Variants in ANKS1B observed in about 807,000 individuals in gnomAD.
The protein encoded by ANKS1B is ankyrin repeat and sterile alpha motif domain-containing protein 1B.
A neutral mutation model predicts 148.3 loss-of-function variants in ANKS1B; 36 were observed. The observed-to-expected ratio is 0.24, with a 90% CI of 0.19 to 0.32. The LOEUF (loss-of-function observed/expected upper bound fraction) is 0.32. Among genes scored for constraint, ANKS1B ranks in the 10% least tolerant of loss-of-function variants. The probability of loss-of-function intolerance (pLI) is 1.00; values close to 1 mark genes in which losing one functional copy is unlikely to be tolerated. For missense variants in ANKS1B, 1,157 were observed against 1,542.6 expected, an observed-to-expected ratio of 0.75 and a Z score of 4.19; for synonymous variants, 542 against 560.8, an observed-to-expected ratio of 0.97 and a Z score of 0.47.
chr12:99,050,131 T>G (rs187893107), intron 17 of ANKS1B, among the ~76,000 whole-genome samples: 1 of 152,352 alleles, frequency 6.6e-6, no homozygotes, highest in African/African-American at 2.4e-5. Context: ...ATAGGATTAT[T>G]CAGCCCATAT....
chr12:99,008,639 T>A (rs2099937550), intron 17 of ANKS1B, among the ~76,000 whole-genome samples: 1 of 152,214 alleles, frequency 6.6e-6, no homozygotes, highest in South Asian at 2.1e-4. Context: ...AAGGCTTGAT[T>A]ACTGGTCCAA....
At chr12:99,068,890 G>A (rs2045403032) in intron 16 of ANKS1B, among the ~76,000 whole-genome samples, 1 of 152,172 alleles carries the variant, frequency 6.6e-6, no homozygotes, top group African/African-American at 2.4e-5. Context: ...TTCAGTTCAA[G>A]CACCATCCAC....
intron 10 of ANKS1B, among the ~76,000 whole-genome samples, chr12:99,444,710 C>CA (rs920053254): frequency 9.2e-5 from 14 of 151,372 alleles, no homozygotes; most frequent in Middle Eastern, 3.4e-3. Flanking sequence ...TCAAATCTGC[C>CA]AAAAAAATAA....
chr12:99,905,959 A>C (rs1234021744), intron 1 of ANKS1B, among the ~76,000 whole-genome samples: 1 of 152,234 alleles, frequency 6.6e-6, no homozygotes, highest in Middle Eastern at 3.2e-3. Context: ...CCACTCTAAC[A>C]GAGGTTAGAT....
chr12:99,557,136 A>G (rs560951931), intron 9 of ANKS1B, among the ~76,000 whole-genome samples: 4 of 152,090 alleles, frequency 2.6e-5, no homozygotes, highest in Non-Finnish European at 4.4e-5. Flanking sequence ...GAATCTGATC[A>G]ATGTGTGTCT....
At chr12:99,656,275 C>T (rs1446410292) in intron 8 of ANKS1B, among the ~76,000 whole-genome samples, 1 of 152,034 alleles carries the variant, frequency 6.6e-6, no homozygotes. Context: ...AACTAGAATA[C>T]TCCTCCCTGT....
At chr12:99,582,823 G>A (rs547959799) in intron 9 of ANKS1B, among the ~76,000 whole-genome samples, 1 of 152,152 alleles carries the variant, frequency 6.6e-6, no homozygotes, top group Non-Finnish European at 1.5e-5. Flanking sequence ...TTCATTGTAT[G>A]TAAATGACAT....
chr12:99,134,604 T>C (rs1234044403), intron 15 of ANKS1B, among the ~76,000 whole-genome samples: 2 of 136,950 alleles, frequency 1.5e-5, no homozygotes, highest in African/African-American at 2.7e-5. Context: ...CTCTCTCTGT[T>C]TCTCTCTGTC....
intron 9 of ANKS1B, among the ~76,000 whole-genome samples, chr12:99,547,883 G>A (rs2153153407): frequency 1.3e-5 from 2 of 152,208 alleles, no homozygotes; most frequent in South Asian, 4.1e-4. Context: ...ATGTCTTCAT[G>A]CAAAATTAAG....
intron 15 of ANKS1B, among the ~76,000 whole-genome samples, chr12:99,124,275 G>A (rs2063690145): frequency 6.6e-6 from 1 of 152,102 alleles, no homozygotes; most frequent in Non-Finnish European, 1.5e-5. Flanking sequence ...ATCAGACTCT[G>A]GATGTTTTTA....
intron 12 of ANKS1B, among the ~76,000 whole-genome samples, chr12:99,347,770 T>C (rs2090914184): frequency 6.6e-6 from 1 of 151,588 alleles, no homozygotes; most frequent in African/African-American, 2.4e-5. Flanking sequence ...ATATTTAAAA[T>C]GCTCAGTTTT....
chr12:99,703,097 T>G (rs1211738700), intron 8 of ANKS1B, among the ~76,000 whole-genome samples: 1 of 152,124 alleles, frequency 6.6e-6, no homozygotes, highest in South Asian at 2.1e-4. Flanking sequence ...AACATCTAAG[T>G]TTTATATCTT....
rs567148900 is a variant in ANKS1B at position 98,921,291 on chromosome 12, A to G, written c.2779-89155T>C. Among the ~76,000 whole-genome samples, 8 of 152,314 alleles carry G rather than the reference A, an allele frequency of 5.3e-5. No individual in the cohort carries two copies. The East Asian group carries it at 1.5e-3, about 29-fold the overall frequency. The stretch of plus-strand genomic sequence containing the variant: ...CAAAATGTACAGGTGATAAAGCAGC[A>G]GTTCCTGCCCTCAGCAAGTTCATAG... On this transcript the variant is annotated intron_variant, in intron 17 of 26. Transcript: ENST00000683438.
intron 14 of ANKS1B, chr12:99,155,075 A>G (rs2075851411): frequency 1.3e-6 from 2 of 1,534,226 alleles, no homozygotes; most frequent in African/African-American, 2.7e-5. Flanking sequence ...GAATCTTCAT[A>G]CTGGTTATAC....
At chr12:99,279,847 C>G (rs2078166839) in intron 12 of ANKS1B, among the ~76,000 whole-genome samples, 1 of 151,826 alleles carries the variant, frequency 6.6e-6, no homozygotes, top group Admixed American at 6.6e-5. Flanking sequence ...AACCCCATCT[C>G]TAAAAAAATT....
intron 8 of ANKS1B, among the ~76,000 whole-genome samples, chr12:99,760,460 G>A (rs988545597): frequency 4.6e-5 from 7 of 151,618 alleles, no homozygotes; most frequent in East Asian, 1.9e-4. Context: ...TTTTGGGTAC[G>A]CAATGAAATT....
At chr12:98,992,001 A>C (rs1392180609) in intron 17 of ANKS1B, among the ~76,000 whole-genome samples, 1 of 152,180 alleles carries the variant, frequency 6.6e-6, no homozygotes, top group Non-Finnish European at 1.5e-5. Context: ...GAAGTGACAG[A>C]TGGATGGCAC....
At chr12:99,633,315 C>A (rs10860477) in intron 9 of ANKS1B, among the ~76,000 whole-genome samples, 39,675 of 151,716 alleles carry the variant, frequency 0.26, 5,544 homozygotes, top group East Asian at 0.47. Context: ...AGAACAGAGC[C>A]CTCAGAAATA....
intron 12 of ANKS1B, among the ~76,000 whole-genome samples, chr12:99,390,595 T>C (rs576737587): frequency 1.3e-5 from 2 of 152,196 alleles, no homozygotes; most frequent in East Asian, 1.9e-4. Context: ...GCATAATAAA[T>C]AGGTATTGGG....
Sources: gnomAD v4.1 joint callset for allele counts (sites outside exome capture counted in the v4.1 genomes callset) on GRCh38, gnomAD v4.1.1 for gene constraint, MANE v1.5 for transcripts, NCBI Gene and HGNC (gene_info 2026-07-23, HGNC 2026-07-21) for gene names.